Variants in HDLBP observed in about 807,000 individuals in gnomAD.
HDLBP encodes the protein high density lipoprotein binding protein, also known as vigilin.
In HDLBP, 30 loss-of-function variants were observed where a neutral mutation model predicts 137.3. That is an observed-to-expected ratio of 0.22 (90% CI 0.16 to 0.30). The LOEUF is 0.30. Ranked by LOEUF, HDLBP falls within the 10% of genes least tolerant of loss-of-function variation. The pLI is 1.00. For missense variants in HDLBP, 1,119 were observed against 1,667.3 expected (o/e 0.67, Z 5.73); for synonymous variants, 606 against 596.0 (o/e 1.02, Z -0.24).
At position 241,296,526 on chromosome 2, in the gene HDLBP, A is replaced by T. The variant is rs571671370; in HGVS notation, c.-103+19044T>A. Among the ~76,000 whole-genome samples, 28 of 152,374 alleles carry T rather than the reference A, an allele frequency of 1.8e-4. No individual in the cohort carries two copies. In the South Asian group the frequency reaches 5.4e-3, roughly 29 times the overall value. On this transcript the variant is annotated intron_variant, in intron 1 of 27. Transcript: ENST00000310931. ...TCAGAGCATAAGAATTTTATAGAAC[A>T]CTAATATAGAAGTCAAGATACAAAT... is the stretch of plus-strand genomic sequence containing the variant.
At chr2:241,264,377 A>G (rs1386322429) in intron 4 of HDLBP, 71 bp downstream of exon 4, 15 of 1,206,868 alleles carry the variant, frequency 1.2e-5, no homozygotes, top group African/African-American at 7.8e-5. Flanking sequence ...AAAAAAAAAG[A>G]AAAAAAATTT....
chr2:241,248,157 A>C, intron 13 of HDLBP, 41 bp from the exon 14 acceptor site: 1 of 1,561,762 alleles, frequency 6.4e-7, no homozygotes, highest in Non-Finnish European at 8.8e-7. Context: ...AGTATGAGGA[A>C]GGACATATAT....
In HDLBP at chr2:241,230,139, C is replaced by A; in HGVS notation, c.3591+14G>T. ...CCAGGGCGCCTCAGGGCTCCAAGGC[C>A]CACAGAGACTCACGTATTCCTCCTC... On this transcript the variant is annotated intron_variant, in intron 26 of 27. Transcript: ENST00000310931. The surrounding 1 kb of genome is among the most constrained non-coding windows in gnomAD (Gnocchi z 5.0). 2 of 1,604,904 alleles carry A rather than the reference C, an allele frequency of 1.2e-6. No homozygotes were observed.
chr2:241,313,590 A>G (rs2075828193), intron 1 of HDLBP, among the ~76,000 whole-genome samples: 1 of 152,162 alleles, frequency 6.6e-6, no homozygotes, highest in Non-Finnish European at 1.5e-5. Flanking sequence ...AAAAGACTAT[A>G]TCCTCTCAAC....
intron 11 of HDLBP, chr2:241,250,383 C>T (rs1435697790): frequency 6.2e-6 from 1 of 160,654 alleles, no homozygotes; most frequent in Admixed American, 6.0e-5. Flanking sequence ...AAACCACACA[C>T]ATTAACTCCA....
chr2:241,254,250 T>C (rs1028942276), intron 9 of HDLBP, among the ~76,000 whole-genome samples: 43 of 152,102 alleles, frequency 2.8e-4, no homozygotes, highest in Admixed American at 2.8e-3. Flanking sequence ...GGTGACAGAG[T>C]GAGGCTTTGT....
chr2:241,242,400 A>C, intron 17 of HDLBP, 60 bp downstream of exon 17: 1 of 1,420,660 alleles, frequency 7.0e-7, no homozygotes, highest in East Asian at 2.3e-5. Flanking sequence ...GTGAGAAGCG[A>C]GAACACTGTA....
chr2:241,272,605 G>GC lies in HDLBP; in HGVS notation c.-102-4065dup, dbSNP rs1198574842. ...GTAAGCAGGACACCCGCGGGCGGGG[G>GC]CCGCAGCCTGGGGCCCGGGTGGGGG... On this transcript the variant is annotated intron_variant, in intron 1 of 27. Coordinates refer to ENST00000310931, the MANE Select transcript of HDLBP (RefSeq NM_005336.6). This position sits in a 1 kb window ranked among gnomAD's most constrained non-coding sequence, Gnocchi z 5.6. 1.0e-5 allele frequency: 10 copies of GC among 982,348 alleles called. No homozygotes were observed. The highest frequency in any genetic ancestry group is 1.2e-5 in the Non-Finnish European group (10 of 828,236). The allele number at this position is 982,348 out of a possible 1,614,324, so 60.9% of individuals were successfully genotyped here. A position where few individuals can be genotyped will look rare whatever the true frequency, so the allele number is the denominator to read the frequency against.
chr2:241,315,335 C>G (rs1210142421), intron 1 of HDLBP: 1 of 152,138 alleles, frequency 6.6e-6, no homozygotes, highest in Non-Finnish European at 1.5e-5. Flanking sequence ...TTTCGCGCGG[C>G]CGCTCGCCGT....
chr2:241,258,105 T>C (rs2072841890), intron 5 of HDLBP, among the ~76,000 whole-genome samples: 1 of 151,934 alleles, frequency 6.6e-6, no homozygotes, highest in Non-Finnish European at 1.5e-5. Context: ...ATTTTAAAAA[T>C]AAGCTGGCCA....
intron 3 of HDLBP, 116 bp from the exon 4 acceptor site, chr2:241,264,721 G>T (rs1223277551): frequency 1.0e-5 from 10 of 998,926 alleles, no homozygotes; most frequent in Non-Finnish European, 1.3e-5. Context: ...ATGCTCCAAG[G>T]ACAACTCCCC....
In HDLBP at chr2:241,239,761, G is replaced by A. The variant is rs374449565; in HGVS notation, c.2451C>T (p.Ile817=). The part of the protein sequence containing the change: ...VDPKHHRHFV[I]RRGQVLREIA... ...TCTCCCGCAAGACCTGGCCTCTGCG[G>A]ATGACGAAGTGGCGGTGGTGCTTGG... Residue 817 remains isoleucine (I), a synonymous_variant, in exon 19 of 28, where the codon ATC becomes ATT. Transcript: ENST00000310931. This position sits in a 1 kb window ranked among gnomAD's most constrained non-coding sequence, Gnocchi z 4.6. 1.2e-6 allele frequency: 2 copies of A among 1,614,050 alleles called. No homozygotes were observed. The highest frequency in any genetic ancestry group is 2.7e-5 in the African/African-American group (2 of 74,942).
intron 1 of HDLBP, among the ~76,000 whole-genome samples, chr2:241,303,054 G>A (rs1224612935): frequency 6.6e-6 from 1 of 152,172 alleles, no homozygotes; most frequent in Non-Finnish European, 1.5e-5. Context: ...CACCGCAAAA[G>A]TTCCCTAGAA....
At chr2:241,236,990 G>C (rs1010006405) in intron 20 of HDLBP, among the ~76,000 whole-genome samples, 5 of 147,662 alleles carry the variant, frequency 3.4e-5, no homozygotes, top group South Asian at 2.2e-4. Context: ...GGGGGGGGGG[G>C]GGGGCGGCAA....
Position 241,228,200 on chromosome 2 carries a change from G to A in HDLBP, c.*1401C>T, listed in dbSNP as rs764728993. On this transcript the variant is annotated 3_prime_UTR_variant, in exon 28 of 28. Transcript: ENST00000310931. ...AGCTTTTCCAAAACTCAAGTACCTGGGACAGGACAACTCGCTAGCAGCTCA... is the reference window on the plus strand; with the variant it reads ...AGCTTTTCCAAAACTCAAGTACCTGAGACAGGACAACTCGCTAGCAGCTCA... The A allele has an allele frequency of 4.6e-5, 7 of 152,268 alleles. No individual in the cohort carries two copies. Among genetic ancestry groups the A allele is most frequent in the African/African-American group, 1.7e-4 (7 of 41,426 alleles). 9.4% of individuals were successfully genotyped at this position (152,268 alleles called of 1,614,324 possible). A position where few individuals can be genotyped will look rare whatever the true frequency, so the allele number is the denominator to read the frequency against.
At chr2:241,265,719 A>G (rs2149536921) in intron 3 of HDLBP, among the ~76,000 whole-genome samples, 2 of 152,350 alleles carry the variant, frequency 1.3e-5, no homozygotes, top group East Asian at 3.9e-4. Flanking sequence ...CTGGAATCAG[A>G]CAGGCTCATG....
intron 5 of HDLBP, among the ~76,000 whole-genome samples, chr2:241,260,538 C>A (rs1195593209): frequency 6.6e-6 from 1 of 152,158 alleles, no homozygotes; most frequent in East Asian, 1.9e-4. Context: ...AAAAATTCTT[C>A]TTTACAAGAA....
chr2:241,285,925 G>C (rs1413318012), intron 1 of HDLBP, among the ~76,000 whole-genome samples: 2 of 152,218 alleles, frequency 1.3e-5, no homozygotes, highest in Non-Finnish European at 2.9e-5. Flanking sequence ...TCAGGAGACT[G>C]AGGCAGAAGG....
rs142118765 is a variant in HDLBP at position 241,242,619 on chromosome 2, G to T, written c.2010C>A (p.Gly670=). ...TGGAGCGGATCAGACGGCCCTTGGT[G>T]CCAATGAGGGAGTTGTGCAGCTTGG... ...IPAKLHNSLI[G]TKGRLIRSIM... is the part of the protein sequence containing the mutation. The change falls in exon 17 of 28, where the codon GGC becomes GGA. Residue 670 remains glycine, a synonymous_variant. Coordinates refer to ENST00000310931, the MANE Select transcript of HDLBP (RefSeq NM_005336.6). The T allele has an allele frequency of 3.0e-3, 4,828 of 1,614,176 alleles. 10 individuals carry two copies. The highest frequency in any genetic ancestry group is 3.7e-3 in the Non-Finnish European group (4,384 of 1,180,010).
Sources: allele counts gnomAD v4.1 joint callset (sites outside exome capture counted in the v4.1 genomes callset), GRCh38; gene constraint gnomAD v4.1.1; non-coding constraint Gnocchi (gnomAD v3.1); transcripts MANE v1.5; gene names NCBI Gene and HGNC (gene_info 2026-07-23, HGNC 2026-07-21).